SPOCK3: variants seen among roughly 807,000 people sequenced by gnomAD.
SPOCK3 encodes testican-3.
A neutral mutation model predicts 56.6 loss-of-function variants in SPOCK3; 30 were observed. The observed-to-expected ratio is 0.53, with a 90% CI of 0.40 to 0.72. The LOEUF (loss-of-function observed/expected upper bound fraction) is 0.72. SPOCK3 is among the 30% of genes least tolerant of loss of function. The probability of loss-of-function intolerance (pLI) is 0.00; values close to 1 mark genes in which losing one functional copy is unlikely to be tolerated. For synonymous variants in SPOCK3, 196 were observed against 183.3 expected, an observed-to-expected ratio of 1.07 and a Z score of -0.56; for missense variants, 527 against 530.0, an observed-to-expected ratio of 0.99 and a Z score of 0.06.
intron 2 of SPOCK3, among the ~76,000 whole-genome samples, chr4:167,127,881 C>T (rs979313113): frequency 5.3e-5 from 8 of 152,142 alleles, no homozygotes; most frequent in Admixed American, 1.3e-4. Context: ...AGAGGTATAA[C>T]GAAATTATCA....
At chr4:167,069,603 A>T (rs1756482828) in intron 2 of SPOCK3, among the ~76,000 whole-genome samples, 1 of 133,868 alleles carries the variant, frequency 7.5e-6, no homozygotes, top group South Asian at 2.2e-4. Flanking sequence ...AAGATGAAAT[A>T]AAATATACAA....
intron 10 of SPOCK3, among the ~76,000 whole-genome samples, chr4:166,735,499 G>A (rs2126338944): frequency 6.6e-6 from 1 of 152,082 alleles, no homozygotes; most frequent in East Asian, 1.9e-4. Context: ...ACATGAAAAA[G>A]TGACTTTGCA....
At chr4:167,125,549 T>A (rs897482960) in intron 2 of SPOCK3, among the ~76,000 whole-genome samples, 3 of 151,190 alleles carry the variant, frequency 2.0e-5, no homozygotes, top group African/African-American at 7.3e-5. Flanking sequence ...CTGTCTCTAC[T>A]AAAAATATAA....
At chr4:167,200,728 T>C (rs1004069117) in intron 2 of SPOCK3, among the ~76,000 whole-genome samples, 3 of 152,130 alleles carry the variant, frequency 2.0e-5, no homozygotes, top group Admixed American at 2.0e-4. Flanking sequence ...ACCTTGGAAG[T>C]TGAGAAAACA....
At chr4:167,099,101 A>C (rs1193899709) in intron 2 of SPOCK3, among the ~76,000 whole-genome samples, 1 of 152,046 alleles carries the variant, frequency 6.6e-6, no homozygotes, top group Non-Finnish European at 1.5e-5. Flanking sequence ...TAAATGAATA[A>C]AAATATAATA....
chr4:167,111,097 A>G (rs1354235772), intron 2 of SPOCK3, among the ~76,000 whole-genome samples: 4 of 152,066 alleles, frequency 2.6e-5, no homozygotes, highest in Non-Finnish European at 5.9e-5. Flanking sequence ...CTTTTTTGAA[A>G]TAAATGACAT....
rs1743151119 is a variant in SPOCK3, at chr4:166,806,209, A to G, written c.590-13920T>C. On this transcript the variant is annotated intron_variant, in intron 6 of 10. Transcript: ENST00000357545. ...GTCACTTTTTAATTTGAATCCACAG[A>G]TTAGAAAATGTTATTTATTAGTGTC... Among the ~76,000 whole-genome samples the G allele has an allele frequency of 2.0e-5, 3 of 152,066 alleles. No homozygotes were observed. The South Asian group carries it at 6.2e-4, about 31-fold the overall frequency.
At chr4:167,137,941 A>C (rs1763252439) in intron 2 of SPOCK3, among the ~76,000 whole-genome samples, 1 of 151,884 alleles carries the variant, frequency 6.6e-6, no homozygotes, top group Admixed American at 6.6e-5. Flanking sequence ...GGAGTAATAA[A>C]AATCAAATAC....
intron 6 of SPOCK3, among the ~76,000 whole-genome samples, chr4:166,882,396 A>G (rs1459121890): frequency 6.6e-6 from 1 of 152,190 alleles, no homozygotes; most frequent in Non-Finnish European, 1.5e-5. Flanking sequence ...ACACTGTACC[A>G]TGGTGCTGTC....
chr4:166,767,492 A>G (rs1465731119), intron 7 of SPOCK3, among the ~76,000 whole-genome samples: 2 of 152,004 alleles, frequency 1.3e-5, no homozygotes, highest in Non-Finnish European at 2.9e-5. Flanking sequence ...CATGTAGTTG[A>G]GTGGTTTTGA....
At chr4:166,926,546 T>G (rs556026601) in intron 4 of SPOCK3, among the ~76,000 whole-genome samples, 1 of 95,778 alleles carries the variant, frequency 1.0e-5, no homozygotes, top group Admixed American at 9.4e-5. Flanking sequence ...GCTTTTTTTG[T>G]TTTTTTTGAT....
chr4:167,159,834 T>G, intron 2 of SPOCK3, among the ~76,000 whole-genome samples: 1 of 152,154 alleles, frequency 6.6e-6, no homozygotes, highest in East Asian at 1.9e-4. Flanking sequence ...TCAATAAAAT[T>G]CAACATCCCT....
At chr4:166,955,463 A>G (rs1419663152) in intron 4 of SPOCK3, among the ~76,000 whole-genome samples, 1 of 146,598 alleles carries the variant, frequency 6.8e-6, no homozygotes, top group East Asian at 2.0e-4. Flanking sequence ...TATAATATAA[A>G]TATTATATTA....
At chr4:166,783,487 A>T (rs983913071) in intron 7 of SPOCK3, among the ~76,000 whole-genome samples, 10 of 152,192 alleles carry the variant, frequency 6.6e-5, no homozygotes, top group African/African-American at 2.2e-4. Context: ...TGTTATTTTT[A>T]AAAAATAAGC....
chr4:167,115,352 G>A (rs969589376), intron 2 of SPOCK3, among the ~76,000 whole-genome samples: 2 of 151,148 alleles, frequency 1.3e-5, no homozygotes, highest in Non-Finnish European at 2.9e-5. Flanking sequence ...ATTAGTCAAG[G>A]AAGAATATCT....
At chr4:167,104,449 C>A (rs1010393808) in intron 2 of SPOCK3, among the ~76,000 whole-genome samples, 6 of 151,942 alleles carry the variant, frequency 3.9e-5, no homozygotes, top group African/African-American at 7.3e-5. Context: ...CCATACTGAA[C>A]AATGTATCAG....
At chr4:167,036,580 T>C (rs1232545872) in intron 3 of SPOCK3, among the ~76,000 whole-genome samples, 1 of 152,216 alleles carries the variant, frequency 6.6e-6, no homozygotes. Flanking sequence ...GAGTAGCTCA[T>C]GCCTTTAAGA....
intron 5 of SPOCK3, among the ~76,000 whole-genome samples, chr4:166,909,146 C>T (rs565133657): frequency 1.2e-4 from 18 of 152,070 alleles, no homozygotes; most frequent in African/African-American, 3.9e-4. Context: ...CCTATTTATC[C>T]ATAGTTCCTC....
chr4:166,853,955 A>T (rs1730398194), intron 6 of SPOCK3, among the ~76,000 whole-genome samples: 1 of 152,140 alleles, frequency 6.6e-6, no homozygotes, highest in African/African-American at 2.4e-5. Context: ...AGCCAAAAAC[A>T]AAGCACCATT....
Sources: gnomAD v4.1 joint callset for allele counts (sites outside exome capture counted in the v4.1 genomes callset) on GRCh38, gnomAD v4.1.1 for gene constraint, MANE v1.5 for transcripts, NCBI Gene and HGNC (gene_info 2026-07-23, HGNC 2026-07-21) for gene names.